The following THSD7B variants were observed in gnomAD, a reference collection of about 807,000 sequenced individuals.
THSD7B encodes thrombospondin type-1 domain-containing protein 7B.
THSD7B carries 138 observed loss-of-function variants against 213.6 expected under a neutral mutation model. The ratio of observed to expected loss-of-function variants is 0.65; its 90% CI spans 0.56 to 0.74. THSD7B has a LOEUF of 0.74. THSD7B is among the 30% of genes least tolerant of loss of function. The pLI, the probability that THSD7B is intolerant of heterozygous loss-of-function variation, is 0.00. For synonymous variants in THSD7B, 742 were observed against 687.0 expected (o/e 1.08, Z -1.25); for missense variants, 1,931 against 1,991.5 (o/e 0.97, Z 0.58).
intron 15 of THSD7B, among the ~76,000 whole-genome samples, chr2:137,492,099 T>C (rs938896812): frequency 1.3e-5 from 2 of 152,136 alleles, no homozygotes; most frequent in African/African-American, 4.8e-5. Context: ...TTCTTTACGG[T>C]TTTACATTTA....
At chr2:136,949,677 A>G (rs756570432) in intron 2 of THSD7B, among the ~76,000 whole-genome samples, 1 of 152,162 alleles carries the variant, frequency 6.6e-6, no homozygotes, top group African/African-American at 2.4e-5. Context: ...CGCCAGTGAG[A>G]TTTAAAAATA....
intron 27 of THSD7B, among the ~76,000 whole-genome samples, chr2:137,670,175 C>T (rs1391615952): frequency 6.6e-6 from 1 of 151,856 alleles, no homozygotes; most frequent in African/African-American, 2.4e-5. Flanking sequence ...TAATAATGTC[C>T]CTGTGGAAGT....
intron 15 of THSD7B, among the ~76,000 whole-genome samples, chr2:137,534,024 A>ATG (rs1680454528): frequency 7.2e-6 from 1 of 138,950 alleles, no homozygotes; most frequent in Admixed American, 7.2e-5. Flanking sequence ...GCGCGCACAC[A>ATG]CACACACACA....
intron 7 of THSD7B, among the ~76,000 whole-genome samples, chr2:137,223,527 C>G (rs1477642988): frequency 6.6e-6 from 1 of 152,146 alleles, no homozygotes; most frequent in African/African-American, 2.4e-5. Flanking sequence ...CCTTCTTACC[C>G]TGTTCTCACC....
intron 5 of THSD7B, among the ~76,000 whole-genome samples, chr2:137,148,889 C>T (rs1679759789): frequency 6.6e-6 from 1 of 152,186 alleles, no homozygotes; most frequent in Non-Finnish European, 1.5e-5. Flanking sequence ...TTCAAGCTGG[C>T]TGCAGAAATT....
At chr2:136,845,935 G>A (rs1231478124) in intron 1 of THSD7B, among the ~76,000 whole-genome samples, 1 of 152,094 alleles carries the variant, frequency 6.6e-6, no homozygotes, top group Non-Finnish European at 1.5e-5. Context: ...AGGGGTATTG[G>A]GATCATTCCC....
At chr2:137,203,279 G>A (rs1430735658) in intron 7 of THSD7B, among the ~76,000 whole-genome samples, 1 of 151,702 alleles carries the variant, frequency 6.6e-6, no homozygotes, top group South Asian at 2.1e-4. Context: ...CTTCCTTAAT[G>A]GTATTTTAAA....
chr2:136,836,566 A>G (rs1682845602), intron 1 of THSD7B, among the ~76,000 whole-genome samples: 1 of 151,930 alleles, frequency 6.6e-6, no homozygotes, highest in Non-Finnish European at 1.5e-5. Context: ...TTTCTCCATC[A>G]CCTTTCTAGA....
chr2:137,537,827 C>T (rs771329330), intron 15 of THSD7B, among the ~76,000 whole-genome samples: 4 of 151,636 alleles, frequency 2.6e-5, no homozygotes, highest in Non-Finnish European at 4.4e-5. Context: ...TTATACCAGG[C>T]ACTGGGTTTA....
chr2:137,080,987 G>C (rs1329476756), intron 3 of THSD7B, among the ~76,000 whole-genome samples: 1 of 152,102 alleles, frequency 6.6e-6, no homozygotes, highest in African/African-American at 2.4e-5. Flanking sequence ...AGTTTAGCCA[G>C]ATATATTATT....
intron 2 of THSD7B, among the ~76,000 whole-genome samples, chr2:136,939,503 T>C (rs890958906): frequency 6.6e-6 from 1 of 152,166 alleles, no homozygotes; most frequent in Non-Finnish European, 1.5e-5. Context: ...TGCCCCATGA[T>C]TTTATGGGAG....
intron 12 of THSD7B, among the ~76,000 whole-genome samples, chr2:137,302,712 A>T (rs963644949): frequency 2.0e-5 from 3 of 152,170 alleles, no homozygotes; most frequent in African/African-American, 7.2e-5. Context: ...CCTGAAGAGA[A>T]TGATTTCACA....
chr2:137,509,232 T>C (rs1427790816), intron 15 of THSD7B, among the ~76,000 whole-genome samples: 2 of 152,058 alleles, frequency 1.3e-5, no homozygotes, highest in Non-Finnish European at 2.9e-5. Flanking sequence ...TGTCTTTTTT[T>C]CTTTTCTTTT....
At chr2:136,960,917 G>A (rs1162655315) in intron 2 of THSD7B, among the ~76,000 whole-genome samples, 1 of 151,502 alleles carries the variant, frequency 6.6e-6, no homozygotes, top group Non-Finnish European at 1.5e-5. Context: ...GTGAAACCTC[G>A]TCTCTACTAA....
chr2:137,078,241 G>C (rs930326719), intron 3 of THSD7B, among the ~76,000 whole-genome samples: 1 of 152,192 alleles, frequency 6.6e-6, no homozygotes, highest in Admixed American at 6.5e-5. Context: ...TTGTAGTGTA[G>C]TTTGAAGTCA....
chr2:136,833,573 GT>G (rs1682795321), intron 1 of THSD7B, among the ~76,000 whole-genome samples: 1 of 151,810 alleles, frequency 6.6e-6, no homozygotes, highest in African/African-American at 2.4e-5. Flanking sequence ...ATTCAAAGAG[GT>G]TTGTAATGAA....
At chr2:137,035,567 T>G (rs75732552) in intron 2 of THSD7B, among the ~76,000 whole-genome samples, 28 of 151,984 alleles carry the variant, frequency 1.8e-4, no homozygotes, top group East Asian at 3.9e-4. Flanking sequence ...GTTTTGTTTT[T>G]TTTTTTAAAC....
At chr2:137,326,504 A>G (rs1307080643) in intron 12 of THSD7B, among the ~76,000 whole-genome samples, 3 of 152,230 alleles carry the variant, frequency 2.0e-5, no homozygotes, top group Non-Finnish European at 2.9e-5. Context: ...AAAGCAGGTT[A>G]TACAAAGCCA....
intron 7 of THSD7B, among the ~76,000 whole-genome samples, chr2:137,225,375 T>C (rs1451085865): frequency 2.6e-5 from 4 of 152,248 alleles, no homozygotes; most frequent in Admixed American, 1.3e-4. Context: ...ACTGATGAGC[T>C]GACAATGAAT....
Sources: gnomAD v4.1 joint callset for allele counts (sites outside exome capture counted in the v4.1 genomes callset) on GRCh38, gnomAD v4.1.1 for gene constraint, MANE v1.5 for transcripts, NCBI Gene and HGNC (gene_info 2026-07-23, HGNC 2026-07-21) for gene names.